The following ARPP21 variants were observed in gnomAD, a reference collection of about 807,000 sequenced individuals.
ARPP21 encodes cAMP regulated phosphoprotein 21.
A neutral mutation model predicts 113.2 loss-of-function variants in ARPP21; 69 were observed. The observed-to-expected ratio is 0.61, with a 90% CI of 0.50 to 0.74. ARPP21 has a LOEUF of 0.74. Among genes scored for constraint, ARPP21 ranks in the 30% least tolerant of loss-of-function variants. The probability of loss-of-function intolerance (pLI) is 0.00; values close to 1 mark genes in which losing one functional copy is unlikely to be tolerated. For missense variants in ARPP21, 1,070 were observed against 1,037.4 expected (o/e 1.03, Z -0.43); for synonymous variants, 368 against 375.5 (o/e 0.98, Z 0.23).
intron 19 of ARPP21, among the ~76,000 whole-genome samples, chr3:35,753,581 A>T (rs1475915577): frequency 6.6e-6 from 1 of 151,992 alleles, no homozygotes; most frequent in Admixed American, 6.6e-5. Context: ...AATGAATAAT[A>T]GTGGAATGGA....
chr3:35,693,321 T>C (rs1037561525), intron 9 of ARPP21, among the ~76,000 whole-genome samples: 3 of 151,650 alleles, frequency 2.0e-5, no homozygotes, highest in African/African-American at 2.4e-5. Flanking sequence ...CTCAATAATG[T>C]TCAATTCATA....
At chr3:35,645,724 C>A (rs543658180) in intron 1 of ARPP21, among the ~76,000 whole-genome samples, 1 of 151,996 alleles carries the variant, frequency 6.6e-6, no homozygotes, top group African/African-American at 2.4e-5. Context: ...TTATTATACA[C>A]TAAATACTTG....
At chr3:35,776,563 G>A (rs1219618427) in intron 19 of ARPP21, among the ~76,000 whole-genome samples, 8 of 152,122 alleles carry the variant, frequency 5.3e-5, no homozygotes, top group African/African-American at 1.9e-4. Flanking sequence ...TTTGCCCTAG[G>A]ATGGCTTTGG....
intron 19 of ARPP21, among the ~76,000 whole-genome samples, chr3:35,779,916 A>C (rs2016975): frequency 0.53 from 80,897 of 151,986 alleles, 24,633 homozygotes; most frequent in African/African-American, 0.84. Context: ...CCCATGCCAA[A>C]ATCAAGAAGT....
chr3:35,698,466 G>A (rs914285865), intron 9 of ARPP21, among the ~76,000 whole-genome samples: 5 of 151,456 alleles, frequency 3.3e-5, no homozygotes. Flanking sequence ...GATTTTCTGT[G>A]GAGTCATGAT....
intron 7 of ARPP21, 85 bp downstream of exon 7, chr3:35,689,470 A>C: frequency 1.3e-6 from 1 of 745,648 alleles, no homozygotes; most frequent in Non-Finnish European, 2.4e-6. Context: ...CTTCTAAGAA[A>C]GCCATTGTGA....
intron 19 of ARPP21, among the ~76,000 whole-genome samples, chr3:35,775,324 A>G (rs1424275142): frequency 6.6e-6 from 1 of 152,220 alleles, no homozygotes; most frequent in Non-Finnish European, 1.5e-5. Context: ...GGAGCGCAGA[A>G]TGAATCCCAT....
chr3:35,751,452 C>T (rs1230316216), intron 19 of ARPP21, among the ~76,000 whole-genome samples: 1 of 152,064 alleles, frequency 6.6e-6, no homozygotes, highest in East Asian at 1.9e-4. Flanking sequence ...ATTTAATGTA[C>T]CTCTGTTCTG....
chr3:35,752,595 C>T (rs927638307), intron 19 of ARPP21, among the ~76,000 whole-genome samples: 1 of 152,024 alleles, frequency 6.6e-6, no homozygotes, highest in African/African-American at 2.4e-5. Flanking sequence ...GTTACTATAA[C>T]CAGGGTCCTA....
intron 1 of ARPP21, among the ~76,000 whole-genome samples, chr3:35,668,779 C>T (rs1173954333): frequency 6.6e-6 from 1 of 152,028 alleles, no homozygotes; most frequent in Non-Finnish European, 1.5e-5. Flanking sequence ...AGTTACTTCT[C>T]TCGTCATCAT....
chr3:35,652,917 C>T (rs1404401686), intron 1 of ARPP21, among the ~76,000 whole-genome samples: 1 of 151,990 alleles, frequency 6.6e-6, no homozygotes, highest in East Asian at 1.9e-4. Context: ...CCTTGTTTCT[C>T]CAGGCAAAAA....
intron 5 of ARPP21, chr3:35,684,990 T>C: frequency 1.0e-6 from 1 of 984,304 alleles, no homozygotes; most frequent in Non-Finnish European, 1.2e-6. Context: ...GGGAGAATAA[T>C]GTGAATATCA....
intron 6 of ARPP21, 125 bp downstream of exon 6, chr3:35,688,008 G>A (rs570733146): frequency 1.0e-4 from 83 of 801,886 alleles, no homozygotes; most frequent in Middle Eastern, 4.0e-4. Flanking sequence ...ATACGTGTAC[G>A]TATCTGTGTG....
At chr3:35,702,044 T>C (rs920431814) in intron 9 of ARPP21, among the ~76,000 whole-genome samples, 4 of 151,692 alleles carry the variant, frequency 2.6e-5, no homozygotes, top group African/African-American at 9.7e-5. Context: ...AAGCTAATAA[T>C]TTGCATTATT....
At chr3:35,772,718 A>T (rs572836613) in intron 19 of ARPP21, among the ~76,000 whole-genome samples, 2 of 152,126 alleles carry the variant, frequency 1.3e-5, no homozygotes, top group East Asian at 3.9e-4. Flanking sequence ...TTTTTATTCC[A>T]CTTTATTTTG....
At chr3:35,715,655 G>A in intron 12 of ARPP21, 179 bp downstream of exon 12, 3 of 431,114 alleles carry the variant, frequency 7.0e-6, no homozygotes, top group Non-Finnish European at 8.0e-6. Flanking sequence ...GATCTAATTT[G>A]GAAAAAAAAT....
intron 11 of ARPP21, among the ~76,000 whole-genome samples, chr3:35,710,729 C>T (rs962389177): frequency 1.3e-5 from 2 of 152,298 alleles, no homozygotes; most frequent in Middle Eastern, 3.4e-3. Flanking sequence ...CACTTGACAG[C>T]TAGGTGACAA....
At chr3:35,739,017 C>A (rs933454435) in intron 17 of ARPP21, among the ~76,000 whole-genome samples, 16 of 152,066 alleles carry the variant, frequency 1.1e-4, no homozygotes, top group African/African-American at 3.6e-4. Flanking sequence ...TCCTTGTGTG[C>A]AACACCACCC....
In ARPP21 at chr3:35,690,545, A is replaced by G. The variant is rs145341457; in HGVS notation, c.546-320A>G. Among the ~76,000 whole-genome samples, 28 of 151,714 alleles carry G rather than the reference A, an allele frequency of 1.8e-4. 1 individual carries two copies. The highest frequency in any genetic ancestry group is 6.7e-4 in the African/African-American group (28 of 41,492). On this transcript the variant is annotated intron_variant, in intron 8 of 20. Coordinates refer to ENST00000684406, the MANE Select transcript of ARPP21 (RefSeq NM_001385562.1). Reference sequence around the variant, plus strand: ...ATATAGACATCTGCAATCACGTATTATGTCACATCATTTGTCCTGTGCCTG... The same window carrying G: ...ATATAGACATCTGCAATCACGTATTGTGTCACATCATTTGTCCTGTGCCTG...
Sources: gnomAD v4.1 joint callset for allele counts (sites outside exome capture counted in the v4.1 genomes callset) on GRCh38, gnomAD v4.1.1 for gene constraint, MANE v1.5 for transcripts, NCBI Gene and HGNC (gene_info 2026-07-23, HGNC 2026-07-21) for gene names.